Variants in PIEZO2 observed in about 807,000 individuals in gnomAD.
The protein encoded by PIEZO2 is piezo-type mechanosensitive ion channel component 2.
In PIEZO2, 172 loss-of-function variants were observed where a neutral mutation model predicts 337.3. The observed-to-expected ratio is 0.51, with a 90% confidence interval of 0.45 to 0.58. The LOEUF (loss-of-function observed/expected upper bound fraction) is 0.58, where lower values mean the gene tolerates loss of function less well. Among genes scored for constraint, PIEZO2 ranks in the 20% least tolerant of loss-of-function variants. The pLI is 0.00. For synonymous variants in PIEZO2, 1,251 were observed against 1,228.5 expected (o/e 1.02, Z -0.38); for missense variants, 3,028 against 3,391.3 (o/e 0.89, Z 2.66).
intron 10 of PIEZO2, 46 bp downstream of exon 10, chr18:10,801,344 A>G (rs1381538422): frequency 7.0e-7 from 1 of 1,421,410 alleles, no homozygotes; most frequent in Non-Finnish European, 9.6e-7. Context: ...TGTTGCCTTT[A>G]CATCACTTAC....
chr18:11,036,594 A>T (rs1212568064), intron 2 of PIEZO2, among the ~76,000 whole-genome samples: 1 of 151,500 alleles, frequency 6.6e-6, no homozygotes, highest in Non-Finnish European at 1.5e-5. Context: ...TTTATATTTA[A>T]TATAAAATAT....
At chr18:10,731,204 T>G (rs2036767185) in intron 36 of PIEZO2, among the ~76,000 whole-genome samples, 1 of 120,798 alleles carries the variant, frequency 8.3e-6, no homozygotes, top group African/African-American at 3.3e-5. Context: ...TATATATATA[T>G]ATATATATAT....
rs111643045 is a variant in PIEZO2, at chr18:10,910,304, G to A, written c.329+882C>T. ...TGGTTTAGAAACTGCATTGACCAGC[G>A]GGTGCAGTGGCTCACGCCTGTCATC... On this transcript the variant is annotated intron_variant, in intron 4 of 55. Transcript: ENST00000674853. Among the ~76,000 whole-genome samples, 189 of 152,302 alleles carry A rather than the reference G, an allele frequency of 1.2e-3. 2 individuals carry two copies. Among genetic ancestry groups the A allele is most frequent in the African/African-American group, 4.3e-3 (180 of 41,574 alleles).
intron 4 of PIEZO2, among the ~76,000 whole-genome samples, chr18:10,871,840 C>A (rs1394752068): frequency 1.3e-5 from 2 of 152,260 alleles, no homozygotes; most frequent in East Asian, 3.9e-4. Flanking sequence ...TAAAGTAATC[C>A]TGGAATCCAG....
At chr18:10,887,821 T>G (rs941361684) in intron 4 of PIEZO2, among the ~76,000 whole-genome samples, 1 of 152,180 alleles carries the variant, frequency 6.6e-6, no homozygotes, top group East Asian at 1.9e-4. Flanking sequence ...ACCTGGCTCA[T>G]GAATTCTTGC....
In PIEZO2 at chr18:10,758,119, A is replaced by G. The variant is rs2143828089; in HGVS notation, c.3773T>C (p.Leu1258Pro). 6.5e-7 allele frequency: 1 copy of G among 1,537,446 alleles called. No individual in the cohort carries two copies. Among genetic ancestry groups the G allele is most frequent in the East Asian group, 2.4e-5 (1 of 40,918 alleles). The change falls in exon 27 of 56, where the codon CTT becomes CCT. Residue 1258 changes from leucine to proline, a missense_variant. By Grantham distance (98) the Leu-to-Pro change is moderately conservative. This residue lies in a region of PIEZO2 where 1,925 missense variants were observed against 2,051.9 expected (regional missense o/e 0.94). Coordinates refer to ENST00000674853, the MANE Select transcript of PIEZO2 (RefSeq NM_001378183.1). ...PVFLVYDFML[L>P]LCASLQRQIF... is the part of the protein sequence containing the mutation. ...CTGCCGTTGTAAGGAGGCACACAGA[A>G]GCAGCATGAAGTCATCTAACAAGAC... is the stretch of plus-strand genomic sequence containing the variant.
intron 3 of PIEZO2, among the ~76,000 whole-genome samples, chr18:10,958,806 TACAG>T (rs1243472448): frequency 6.6e-6 from 1 of 152,130 alleles, no homozygotes; most frequent in East Asian, 1.9e-4. Flanking sequence ...ACTATAAAAA[TACAG>T]ACACAGTCTA....
Position 11,102,585 on chromosome 18 carries a change from C to T in PIEZO2, c.65-36363G>A, listed in dbSNP as rs527475694. Among the ~76,000 whole-genome samples the T allele has an allele frequency of 2.6e-5, 4 of 152,268 alleles. No individual in the cohort carries two copies. The highest frequency in any genetic ancestry group is 3.9e-4 in the East Asian group (2 of 5,172). The stretch of plus-strand genomic sequence containing the variant: ...TGAAGCATCATGCCAGCTTGTTTTG[C>T]GTCTGGCTTGGATCATCTCTGACAC... On this transcript the variant is annotated intron_variant, in intron 1 of 55. Transcript: ENST00000674853. The surrounding 1 kb of genome is among the most constrained non-coding windows in gnomAD (Gnocchi z 5.7).
intron 1 of PIEZO2, among the ~76,000 whole-genome samples, chr18:11,135,819 AAG>A (rs2040467732): frequency 6.6e-6 from 1 of 152,214 alleles, no homozygotes; most frequent in Non-Finnish European, 1.5e-5. Context: ...GTATTTTAAA[AAG>A]AGTTTGTTTG....
intron 4 of PIEZO2, among the ~76,000 whole-genome samples, chr18:10,910,279 T>C (rs2030350896): frequency 6.6e-6 from 1 of 152,278 alleles, no homozygotes; most frequent in African/African-American, 2.4e-5. Context: ...CCAAGGTAGG[T>C]GGTTTAGAAA....
intron 9 of PIEZO2, among the ~76,000 whole-genome samples, chr18:10,802,639 A>C (rs1369196439): frequency 1.3e-5 from 2 of 152,198 alleles, no homozygotes; most frequent in Non-Finnish European, 2.9e-5. Context: ...AGATAAAGAA[A>C]ATCTGGCTTC....
rs1042627324 is a variant in PIEZO2 at position 10,781,721 on chromosome 18, A to C, written c.2493-1355T>G. On this transcript the variant is annotated intron_variant, in intron 17 of 55. Transcript: ENST00000674853. The surrounding 1 kb of genome is among the most constrained non-coding windows in gnomAD (Gnocchi z 4.1). Reference sequence around the variant, plus strand: ...ACATAATAAATTCTGCTTCATACACAAGTGACATGTGCCTACATTACATCT... The same window carrying C: ...ACATAATAAATTCTGCTTCATACACCAGTGACATGTGCCTACATTACATCT... Among the ~76,000 whole-genome samples, 21 of 152,192 alleles carry C rather than the reference A, an allele frequency of 1.4e-4. No individual in the cohort carries two copies. The highest frequency in any genetic ancestry group is 5.1e-4 in the African/African-American group (21 of 41,444).
intron 2 of PIEZO2, among the ~76,000 whole-genome samples, chr18:11,015,321 C>T (rs1325850930): frequency 6.6e-6 from 1 of 152,132 alleles, no homozygotes. Flanking sequence ...GGGGCCCCCT[C>T]ACTCCTCAGT....
chr18:10,699,242 T>C (rs2035232102), intron 43 of PIEZO2, 65 bp from the exon 44 acceptor site: 2 of 1,516,950 alleles, frequency 1.3e-6, no homozygotes, highest in Admixed American at 4.3e-5. Flanking sequence ...GTATTCTGTC[T>C]TACAAAATCT....
Position 10,670,733 on chromosome 18 carries a change from C to G in PIEZO2, c.*794G>C, listed in dbSNP as rs2033733179. 6.6e-6 allele frequency: 1 copy of G among 152,608 alleles called. No individual in the cohort carries two copies. The highest frequency in any genetic ancestry group is 6.5e-5 in the Admixed American group (1 of 15,278). The allele number at this position is 152,608 out of a possible 1,614,324, so 9.5% of individuals were successfully genotyped here. On this transcript the variant is annotated 3_prime_UTR_variant, in exon 56 of 56. Transcript: ENST00000674853. ...AGGTCCCACTGGGTTGGTCTTTTTA[C>G]TCTTCTGCCTCATGTCTGTTTGCAC...
At chr18:10,800,628 GGGGAATC>G (rs2039778595) in intron 10 of PIEZO2, among the ~76,000 whole-genome samples, 153 bp from the exon 11 acceptor site, 1 of 152,220 alleles carries the variant, frequency 6.6e-6, no homozygotes, top group Non-Finnish European at 1.5e-5. Flanking sequence ...ATTTTAGTAA[GGGGAATC>G]TTGTACATTC....
chr18:10,679,013 A>C (rs978873795), intron 52 of PIEZO2, among the ~76,000 whole-genome samples: 1 of 151,142 alleles, frequency 6.6e-6, no homozygotes, highest in Non-Finnish European at 1.5e-5. Context: ...GCTCACTGCA[A>C]CCTCTGCCTC....
rs936763722 is a variant in PIEZO2, at chr18:10,750,213, C to G, written c.4168-26G>C. 29 of 1,489,664 alleles carry G rather than the reference C, an allele frequency of 1.9e-5. No individual in the cohort carries two copies. The highest frequency in any genetic ancestry group is 2.6e-5 in the Non-Finnish European group (29 of 1,103,618). 92.3% of individuals were successfully genotyped at this position (1,489,664 alleles called of 1,614,324 possible). On this transcript the variant is annotated intron_variant, in intron 28 of 55. Coordinates refer to ENST00000674853, the MANE Select transcript of PIEZO2 (RefSeq NM_001378183.1). This position sits in a 1 kb window ranked among gnomAD's most constrained non-coding sequence, Gnocchi z 4.1. Reference sequence around the variant, plus strand: ...CTGAAAAACAAAAGAGGGGGATAATCCTGAAGCTCTGCAGCCAGAAAAAAA... The same window carrying G: ...CTGAAAAACAAAAGAGGGGGATAATGCTGAAGCTCTGCAGCCAGAAAAAAA...
chr18:10,738,265 T>G (rs1022462185), intron 33 of PIEZO2: 4 of 152,218 alleles, frequency 2.6e-5, no homozygotes, highest in African/African-American at 9.6e-5. Flanking sequence ...ACGTGGTCGT[T>G]TGGGAAAACA....
Sources: allele counts gnomAD v4.1 joint callset (sites outside exome capture counted in the v4.1 genomes callset), GRCh38; gene constraint gnomAD v4.1.1; regional missense constraint gnomAD v4.1.1; non-coding constraint Gnocchi (gnomAD v3.1); transcripts MANE v1.5; gene names NCBI Gene and HGNC (gene_info 2026-07-23, HGNC 2026-07-21).